Variants in SGCZ observed in about 807,000 individuals in gnomAD.
SGCZ encodes sarcoglycan zeta.
SGCZ carries 40 observed loss-of-function variants against 41.3 expected under a neutral mutation model. That is an observed-to-expected ratio of 0.97 (90% CI 0.75 to 1.26). The LOEUF (loss-of-function observed/expected upper bound fraction) is 1.26, where lower values mean the gene tolerates loss of function less well. Among genes scored for constraint, SGCZ ranks in the 50% most tolerant of loss-of-function variants. SGCZ has a pLI of 0.00. For missense variants in SGCZ, 552 were observed against 369.8 expected (o/e 1.49, Z -4.04); for synonymous variants, 206 against 137.5 (o/e 1.50, Z -3.49).
intron 2 of SGCZ, among the ~76,000 whole-genome samples, chr8:14,482,043 C>T (rs925053893): frequency 1.3e-5 from 2 of 152,108 alleles, no homozygotes; most frequent in African/African-American, 4.8e-5. Context: ...GACAGAAATG[C>T]TATTGCAGGA....
chr8:14,359,615 C>T (rs1305301784), intron 2 of SGCZ, among the ~76,000 whole-genome samples: 1 of 151,846 alleles, frequency 6.6e-6, no homozygotes, highest in East Asian at 1.9e-4. Context: ...TTAAACAATA[C>T]ACTCCTGAGA....
At chr8:14,283,774 A>G (rs6999172) in intron 3 of SGCZ, among the ~76,000 whole-genome samples, 110,562 of 152,124 alleles carry the variant, frequency 0.73, 40,542 homozygotes, top group African/African-American at 0.81. Flanking sequence ...TAACTACTCT[A>G]CTGCAATGGC....
intron 1 of SGCZ, among the ~76,000 whole-genome samples, chr8:14,780,834 T>G (rs2130433489): frequency 6.6e-6 from 1 of 152,266 alleles, no homozygotes; most frequent in South Asian, 2.1e-4. Context: ...AGAGGAATGA[T>G]TTTTTCTTTT....
Position 14,109,801 on chromosome 8 carries a change from G to C in SGCZ, c.548-1566C>G, listed in dbSNP as rs200608060. On this transcript the variant is annotated intron_variant, in intron 5 of 7. Transcript: ENST00000382080. ...AACAGGAAGAGATTTTTTTTTCAAA[G>C]ACTATATGATTTCATCTATATTATG... Among the ~76,000 whole-genome samples, 8 of 151,854 alleles carry C rather than the reference G, an allele frequency of 5.3e-5. No homozygotes were observed. The East Asian group carries it at 1.5e-3, about 29-fold the overall frequency.
intron 1 of SGCZ, among the ~76,000 whole-genome samples, chr8:14,984,770 A>G (rs974556709): frequency 2.0e-5 from 3 of 152,174 alleles, no homozygotes; most frequent in Non-Finnish European, 4.4e-5. Flanking sequence ...TTGAGCTACA[A>G]TTAAATTACT....
intron 1 of SGCZ, among the ~76,000 whole-genome samples, chr8:15,039,946 C>G (rs1292622954): frequency 6.6e-6 from 1 of 152,120 alleles, no homozygotes; most frequent in African/African-American, 2.4e-5. Context: ...CTTAAAGTAG[C>G]AGGGAATTTA....
chr8:14,875,824 C>T (rs934932105), intron 1 of SGCZ, among the ~76,000 whole-genome samples: 1 of 152,122 alleles, frequency 6.6e-6, no homozygotes, highest in Admixed American at 6.6e-5. Context: ...TAGATGATTT[C>T]ACATCTGGGC....
chr8:14,802,819 G>T (rs553125088), intron 1 of SGCZ, among the ~76,000 whole-genome samples: 1 of 152,278 alleles, frequency 6.6e-6, no homozygotes, highest in South Asian at 2.1e-4. Context: ...AAGAAATAGG[G>T]TGAACTGCAA....
chr8:15,050,226 A>C (rs1381722652), intron 1 of SGCZ, among the ~76,000 whole-genome samples: 1 of 152,200 alleles, frequency 6.6e-6, no homozygotes, highest in Non-Finnish European at 1.5e-5. Flanking sequence ...ATATGTAGGC[A>C]TGAGAAATCA....
At chr8:14,406,720 G>GC (rs11461707) in intron 2 of SGCZ, among the ~76,000 whole-genome samples, 56,348 of 151,878 alleles carry the variant, frequency 0.37, 11,472 homozygotes, top group African/African-American at 0.55. Flanking sequence ...CCCTTTCTAC[G>GC]CAACAACATG....
intron 1 of SGCZ, among the ~76,000 whole-genome samples, chr8:14,569,227 G>C (rs773514803): frequency 4.6e-5 from 7 of 152,166 alleles, no homozygotes; most frequent in African/African-American, 1.7e-4. Context: ...ACAGTGCACA[G>C]TATTTTAATT....
chr8:14,591,922 C>A (rs1805254104), intron 1 of SGCZ, among the ~76,000 whole-genome samples: 1 of 152,024 alleles, frequency 6.6e-6, no homozygotes, highest in Admixed American at 6.6e-5. Flanking sequence ...TCATTACAGC[C>A]ACAGGGAGGA....
chr8:15,039,361 T>C (rs1005493546), intron 1 of SGCZ, among the ~76,000 whole-genome samples: 1 of 152,124 alleles, frequency 6.6e-6, no homozygotes, highest in African/African-American at 2.4e-5. Context: ...TTAAGTGAAA[T>C]CAGCCAGGCA....
At chr8:14,560,522 C>A (rs181941963) in intron 1 of SGCZ, among the ~76,000 whole-genome samples, 1 of 151,896 alleles carries the variant, frequency 6.6e-6, no homozygotes, top group African/African-American at 2.4e-5. Flanking sequence ...GGAGACCTTC[C>A]CCTTGTAGAG....
At chr8:15,011,925 C>T (rs1490356502) in intron 1 of SGCZ, among the ~76,000 whole-genome samples, 5 of 152,052 alleles carry the variant, frequency 3.3e-5, no homozygotes, top group Admixed American at 6.6e-5. Context: ...CTTATAAGTA[C>T]AAATATATTA....
chr8:15,205,046 A>C (rs2117143942), intron 1 of SGCZ, among the ~76,000 whole-genome samples: 1 of 152,338 alleles, frequency 6.6e-6, no homozygotes, highest in Non-Finnish European at 1.5e-5. Context: ...CAATTCTAAA[A>C]AAAGTTCAAG....
At position 14,606,163 on chromosome 8, in the gene SGCZ, T is replaced by C. The variant is rs192278104; in HGVS notation, c.40-51237A>G. ...ACTTCACTAATGCTAAAATAGTCTT[T>C]TTATTAGCCATCTCCTCCCTCTTGT... On this transcript the variant is annotated intron_variant, in intron 1 of 7. Transcript: ENST00000382080. Among the ~76,000 whole-genome samples the C allele has an allele frequency of 2.3e-3, 345 of 152,260 alleles. 5 individuals carry two copies. The Middle Eastern group carries it at 0.027, about 12-fold the overall frequency.
intron 1 of SGCZ, among the ~76,000 whole-genome samples, chr8:14,901,537 A>G (rs187478004): frequency 2.0e-5 from 3 of 152,262 alleles, no homozygotes; most frequent in Admixed American, 6.5e-5. Context: ...TAGCAATTTT[A>G]TTTAAAGGAT....
chr8:15,178,073 A>G (rs1419067213), intron 1 of SGCZ, among the ~76,000 whole-genome samples: 1 of 152,120 alleles, frequency 6.6e-6, no homozygotes, highest in African/African-American at 2.4e-5. Flanking sequence ...TCCACTCTGA[A>G]TTCCCTGCCA....
Sources: allele counts gnomAD v4.1 joint callset (sites outside exome capture counted in the v4.1 genomes callset), GRCh38; gene constraint gnomAD v4.1.1; transcripts MANE v1.5; gene names NCBI Gene and HGNC (gene_info 2026-07-23, HGNC 2026-07-21).